The following CAP2 variants were observed in gnomAD, a reference collection of about 807,000 sequenced individuals.
The protein encoded by CAP2 is adenylyl cyclase-associated protein 2.
In CAP2, 24 loss-of-function variants were observed where a neutral mutation model predicts 57.7. The observed-to-expected ratio is 0.42, with a 90% CI of 0.30 to 0.58. The LOEUF (loss-of-function observed/expected upper bound fraction) is 0.58, where lower values mean the gene tolerates loss of function less well. Among genes scored for constraint, CAP2 ranks in the 20% least tolerant of loss-of-function variants. The pLI is 0.22. For missense variants in CAP2, 501 were observed against 590.3 expected, an observed-to-expected ratio of 0.85 and a Z score of 1.57; for synonymous variants, 194 against 207.2, an observed-to-expected ratio of 0.94 and a Z score of 0.55.
chr6:17,507,871 C>T, intron 6 of CAP2, 145 bp downstream of exon 6: 2 of 511,522 alleles, frequency 3.9e-6, no homozygotes, highest in East Asian at 3.0e-5. Flanking sequence ...CTAATCTTTG[C>T]AGATAAAGTC....
At position 17,473,608 on chromosome 6, in the gene CAP2, T is replaced by C. The variant is rs548533649; in HGVS notation, c.300+10535T>C. Among the ~76,000 whole-genome samples the C allele has an allele frequency of 2.0e-5, 3 of 152,358 alleles. No individual in the cohort carries two copies. The East Asian group carries it at 5.8e-4, about 29-fold the overall frequency. ...CAGCAGCCTTAACTTAGATCCTCTT[T>C]GCAGAACATAGCTTCTGTCATCTGT... On this transcript the variant is annotated intron_variant, in intron 4 of 12. Transcript: ENST00000229922.
chr6:17,447,970 T>C (rs1760304366), intron 3 of CAP2, among the ~76,000 whole-genome samples: 1 of 152,216 alleles, frequency 6.6e-6, no homozygotes. Context: ...GTAATTTCAG[T>C]CCTTCATTAT....
chr6:17,484,729 G>A (rs1455398731), intron 4 of CAP2, among the ~76,000 whole-genome samples: 1 of 152,162 alleles, frequency 6.6e-6, no homozygotes, highest in Admixed American at 6.5e-5. Flanking sequence ...TGTGACAGTG[G>A]CAGATTTGTC....
At chr6:17,508,674 G>A (rs975622223) in intron 6 of CAP2, among the ~76,000 whole-genome samples, 13 of 152,098 alleles carry the variant, frequency 8.5e-5, no homozygotes, top group East Asian at 3.9e-4. Flanking sequence ...ACCTGGGGAC[G>A]TCTCATGTGT....
intron 6 of CAP2, among the ~76,000 whole-genome samples, chr6:17,508,086 A>G (rs942398652): frequency 2.0e-5 from 3 of 152,192 alleles, no homozygotes; most frequent in African/African-American, 7.2e-5. Context: ...AGGGTGAGCT[A>G]TAGAAGAGAG....
chr6:17,496,414 A>G (rs1761670357), intron 4 of CAP2, among the ~76,000 whole-genome samples: 1 of 152,212 alleles, frequency 6.6e-6, no homozygotes, highest in African/African-American at 2.4e-5. Context: ...GTTGACCAGG[A>G]AGCACGGCTC....
intron 4 of CAP2, among the ~76,000 whole-genome samples, chr6:17,472,021 G>A (rs1008366911): frequency 8.5e-5 from 13 of 152,160 alleles, no homozygotes; most frequent in Middle Eastern, 3.4e-3. Flanking sequence ...ATAAATATGC[G>A]TAAGTTTCTG....
chr6:17,518,370 T>C (rs958405299), intron 7 of CAP2, among the ~76,000 whole-genome samples: 1 of 152,214 alleles, frequency 6.6e-6, no homozygotes, highest in Admixed American at 6.5e-5. Flanking sequence ...GACTGTGGCC[T>C]GTCGACATTC....
chr6:17,441,942 AAAAC>A (rs1485036901), intron 3 of CAP2, among the ~76,000 whole-genome samples: 1 of 152,210 alleles, frequency 6.6e-6, no homozygotes, highest in Non-Finnish European at 1.5e-5. Context: ...AATTAAAAAA[AAAAC>A]AGCAACAATA....
chr6:17,461,169 A>G (rs1760709278), intron 3 of CAP2, among the ~76,000 whole-genome samples: 2 of 146,350 alleles, frequency 1.4e-5, no homozygotes, highest in Non-Finnish European at 2.9e-5. Context: ...AGACAAAAAA[A>G]GAAAAACAAA....
intron 4 of CAP2, among the ~76,000 whole-genome samples, chr6:17,488,934 C>T (rs1170963736): frequency 6.6e-6 from 1 of 152,110 alleles, no homozygotes; most frequent in Non-Finnish European, 1.5e-5. Flanking sequence ...GACTAAAATC[C>T]AAGACTGACT....
At chr6:17,530,992 G>C in intron 7 of CAP2, 1 of 1,373,250 alleles carries the variant, frequency 7.3e-7, no homozygotes, top group East Asian at 2.3e-5. Flanking sequence ...ATTCTGCCTC[G>C]TGGAGAAGAT....
chr6:17,406,412 T>TTTTTTTTTTTTTTTTTTTTTTTCTC (rs1197104013), intron 1 of CAP2, among the ~76,000 whole-genome samples: 1 of 135,198 alleles, frequency 7.4e-6, no homozygotes, highest in African/African-American at 3.7e-5. Context: ...TTTTTTTTTT[T>TTTTTTTTTTTTTTTTTTTTTTTCTC]TGAGGCAGTC....
At chr6:17,433,720 G>A (rs73369404) in intron 3 of CAP2, among the ~76,000 whole-genome samples, 8,334 of 152,236 alleles carry the variant, frequency 0.055, 593 homozygotes, top group African/African-American at 0.17. Flanking sequence ...CTCTGTTACC[G>A]TGTCTTCCCA....
intron 4 of CAP2, among the ~76,000 whole-genome samples, chr6:17,500,965 G>A (rs1341611048): frequency 1.3e-5 from 2 of 152,148 alleles, no homozygotes; most frequent in Non-Finnish European, 2.9e-5. Flanking sequence ...AATACATACT[G>A]CTTGATATGA....
chr6:17,465,966 T>G (rs1409809561), intron 4 of CAP2, among the ~76,000 whole-genome samples: 1 of 152,000 alleles, frequency 6.6e-6, no homozygotes, highest in African/African-American at 2.4e-5. Context: ...ACTCCCAGAT[T>G]CCTTAGTTGC....
chr6:17,471,699 C>T (rs543904116), intron 4 of CAP2, among the ~76,000 whole-genome samples: 4 of 151,728 alleles, frequency 2.6e-5, no homozygotes, highest in East Asian at 3.9e-4. Context: ...GGCATAGTGG[C>T]GGGTGCCTGT....
chr6:17,541,978 T>A (rs776260267), intron 9 of CAP2, among the ~76,000 whole-genome samples: 11 of 152,212 alleles, frequency 7.2e-5, no homozygotes, highest in Non-Finnish European at 1.3e-4. Flanking sequence ...ACTGTCCAGC[T>A]CAGTGGCATT....
chr6:17,469,090 A>G (rs115081368), intron 4 of CAP2, among the ~76,000 whole-genome samples: 3,087 of 152,358 alleles, frequency 0.02, 45 homozygotes, highest in South Asian at 0.037. Context: ...AATTTTAACC[A>G]TGGGTGACTC....
Sources: gnomAD v4.1 joint callset for allele counts (sites outside exome capture counted in the v4.1 genomes callset) on GRCh38, gnomAD v4.1.1 for gene constraint, MANE v1.5 for transcripts, NCBI Gene and HGNC (gene_info 2026-07-23, HGNC 2026-07-21) for gene names.